Variants in ZC3H4 observed in about 807,000 individuals in gnomAD.
ZC3H4 encodes the protein zinc finger CCCH-type containing 4.
ZC3H4 carries 13 observed loss-of-function variants against 108.3 expected under a neutral mutation model. That is an observed-to-expected ratio of 0.12 (90% confidence interval 0.08 to 0.19). The LOEUF is 0.19. Ranked by LOEUF, ZC3H4 falls within the 10% of genes least tolerant of loss-of-function variation. The pLI is 1.00. For synonymous variants in ZC3H4, 917 were observed against 749.6 expected, an observed-to-expected ratio of 1.22 and a Z score of -3.65; for missense variants, 1,734 against 1,838.8, an observed-to-expected ratio of 0.94 and a Z score of 1.04.
intron 2 of ZC3H4, among the ~76,000 whole-genome samples, chr19:47,104,949 G>T (rs1371047086): frequency 6.6e-6 from 1 of 151,314 alleles, no homozygotes; most frequent in African/African-American, 2.4e-5. Flanking sequence ...GGGACCTCAA[G>T]AAGTCTCCAG....
chr19:47,076,766 G>A (rs1005616285), intron 11 of ZC3H4, among the ~76,000 whole-genome samples: 3 of 151,996 alleles, frequency 2.0e-5, no homozygotes, highest in East Asian at 3.9e-4. Context: ...AGGCAGAGCC[G>A]AGCAGATCAC....
At chr19:47,097,698 G>C (rs184215765) in intron 2 of ZC3H4, among the ~76,000 whole-genome samples, 1 of 152,250 alleles carries the variant, frequency 6.6e-6, no homozygotes, top group East Asian at 1.9e-4. Flanking sequence ...TGTCAGAGTG[G>C]GATTAAATGC....
At chr19:47,112,854 A>C (rs2058058845) in intron 1 of ZC3H4, among the ~76,000 whole-genome samples, 2 of 149,582 alleles carry the variant, frequency 1.3e-5, no homozygotes, top group African/African-American at 5.0e-5. Context: ...CCCCCCACGC[A>C]CCCCCGGGGG....
At chr19:47,070,792 G>C (rs952533026) in intron 13 of ZC3H4, among the ~76,000 whole-genome samples, 6 of 152,120 alleles carry the variant, frequency 3.9e-5, no homozygotes, top group Non-Finnish European at 5.9e-5. Flanking sequence ...AGGCACCCTA[G>C]AGTGACTATG....
intron 13 of ZC3H4, among the ~76,000 whole-genome samples, chr19:47,071,406 T>G (rs1441573048): frequency 6.6e-6 from 1 of 152,122 alleles, no homozygotes; most frequent in African/African-American, 2.4e-5. Context: ...TGGACACTGG[T>G]TGCTCCAAGC....
rs563632262 is a variant in ZC3H4, at chr19:47,082,032, C to T, written c.1330+152G>A. 1.1e-4 allele frequency: 77 copies of T among 683,034 alleles called. No individual in the cohort carries two copies. The African/African-American group carries it at 1.2e-3, about 11-fold the overall frequency. The allele number at this position is 683,034 out of a possible 1,614,324, so 42.3% of individuals were successfully genotyped here. On this transcript the variant is annotated intron_variant, in intron 10 of 14. Transcript: ENST00000253048. ...TGGGAAAGACAGACCCCTCTGAGGG[C>T]GGACGTGAGTGTTAAATGAGATGGA...
intron 2 of ZC3H4, among the ~76,000 whole-genome samples, chr19:47,095,377 C>T (rs1238616151): frequency 6.6e-6 from 1 of 152,224 alleles, no homozygotes; most frequent in Non-Finnish European, 1.5e-5. Context: ...CAGTCCCACA[C>T]CTCTAGGCCG....
intron 5 of ZC3H4, among the ~76,000 whole-genome samples, chr19:47,088,556 AG>A (rs201380126): frequency 9.7e-4 from 145 of 149,840 alleles, no homozygotes; most frequent in Middle Eastern, 6.9e-3. Context: ...CAAAAAAAAA[AG>A]AAAGAATTGC....
In ZC3H4 at chr19:47,066,645, C is replaced by T. The variant is rs1407907942; in HGVS notation, c.3623G>A (p.Gly1208Glu). The T allele has an allele frequency of 7.4e-6, 12 of 1,611,758 alleles. No individual in the cohort carries two copies. The highest frequency in any genetic ancestry group is 1.1e-5 in the South Asian group (1 of 90,804). Residue 1208 changes from glycine (G) to glutamate (E), a missense_variant, in exon 15 of 15, where the codon GGG (glycine) becomes GAG (glutamate). This residue lies in a region of ZC3H4 where 518 missense variants were observed against 499.6 expected (regional missense o/e 1.04). Transcript: ENST00000253048. ...QPETGKAGAD[G>E]GTPTDRYNSY... ...GTTGTATCTGTCCGTGGGGGTGCCC[C>T]CATCAGCACCGGCCTTCCCTGTCTC...
intron 11 of ZC3H4, among the ~76,000 whole-genome samples, chr19:47,076,947 T>C (rs2122776335): frequency 6.6e-6 from 1 of 151,910 alleles, no homozygotes; most frequent in Non-Finnish European, 1.5e-5. Flanking sequence ...GAGCCAAGGT[T>C]GCACCACTGC....
rs191594063 is a variant in ZC3H4, at chr19:47,107,239, C to T, written c.161+5185G>A. ...ACTTCCTTCAAAAATAGATGTTATTCTTACTTCTGTTTATACACCAACTGT... is the reference window on the plus strand; with the variant it reads ...ACTTCCTTCAAAAATAGATGTTATTTTTACTTCTGTTTATACACCAACTGT... On this transcript the variant is annotated intron_variant, in intron 2 of 14. Transcript: ENST00000253048. 9.8e-5 allele frequency among the ~76,000 whole-genome samples: 15 copies of T among 152,296 alleles called. No homozygotes were observed. In the East Asian group the frequency reaches 2.9e-3, roughly 29 times the overall value.
intron 11 of ZC3H4, among the ~76,000 whole-genome samples, chr19:47,077,628 C>T (rs542471130): frequency 3.3e-5 from 5 of 150,784 alleles, no homozygotes; most frequent in Non-Finnish European, 5.9e-5. Context: ...CCAAGGCGGG[C>T]GTGGATCACC....
At chr19:47,089,204 CAAAAAAAAA>C (rs888647856) in intron 5 of ZC3H4, among the ~76,000 whole-genome samples, 3 of 26,840 alleles carry the variant, frequency 1.1e-4, no homozygotes, top group Non-Finnish European at 1.5e-4. Context: ...GACTCCGTCT[CAAAAAAAAA>C]AAAAAAAAAA....
At chr19:47,082,126 C>A (rs1319075605) in intron 10 of ZC3H4, 58 bp downstream of exon 10, 4 of 1,385,370 alleles carry the variant, frequency 2.9e-6, no homozygotes, top group Non-Finnish European at 3.1e-6. Flanking sequence ...CTACCACCAT[C>A]AAGGAGCAGA....
At position 47,113,750 on chromosome 19, in the gene ZC3H4, G is replaced by C; in HGVS notation, c.-36C>G. The C allele has an allele frequency of 6.6e-6, 1 of 152,326 alleles. No individual in the cohort carries two copies. Among genetic ancestry groups the C allele is most frequent in the East Asian group, 1.9e-4 (1 of 5,202 alleles). 9.4% of individuals were successfully genotyped at this position (152,326 alleles called of 1,614,324 possible). ...GCTGGAGGCCAGGTGCCGAGAGTCG[G>C]AGGTTTCCGGAGAAGCGATGAAGCC... On this transcript the variant is annotated 5_prime_UTR_variant, in exon 1 of 15. Transcript: ENST00000253048.
At chr19:47,103,250 G>T (rs2057925631) in intron 2 of ZC3H4, among the ~76,000 whole-genome samples, 1 of 152,096 alleles carries the variant, frequency 6.6e-6, no homozygotes, top group South Asian at 2.1e-4. Context: ...TCACTCCAGA[G>T]GAGAAAGTCT....
At chr19:47,083,755 T>C (rs2057565534) in intron 9 of ZC3H4, among the ~76,000 whole-genome samples, 1 of 152,198 alleles carries the variant, frequency 6.6e-6, no homozygotes, top group African/African-American at 2.4e-5. Context: ...GTTTGAAGCA[T>C]CTATTTCTTC....
At chr19:47,093,215 C>T (rs1363922663) in intron 4 of ZC3H4, among the ~76,000 whole-genome samples, 3 of 48,418 alleles carry the variant, frequency 6.2e-5, no homozygotes, top group Non-Finnish European at 1.3e-4. Context: ...GACTCTGCCT[C>T]AAAAAAAAAA....
At chr19:47,112,865 G>A (rs1332923178) in intron 1 of ZC3H4, among the ~76,000 whole-genome samples, 1 of 152,172 alleles carries the variant, frequency 6.6e-6, no homozygotes, top group Non-Finnish European at 1.5e-5. Flanking sequence ...CCCCCGGGGG[G>A]CGGGACACCC....
Sources: gnomAD v4.1 joint callset for allele counts (sites outside exome capture counted in the v4.1 genomes callset) on GRCh38, gnomAD v4.1.1 for gene constraint, gnomAD v4.1.1 regional missense constraint, MANE v1.5 for transcripts, NCBI Gene and HGNC (gene_info 2026-07-23, HGNC 2026-07-21) for gene names.